UNC13C: variants seen among roughly 807,000 people sequenced by gnomAD.
UNC13C encodes the protein unc-13 homolog C.
A neutral mutation model predicts 245.4 loss-of-function variants in UNC13C; 174 were observed. That is an observed-to-expected ratio of 0.71 (90% CI 0.63 to 0.80). The LOEUF (loss-of-function observed/expected upper bound fraction) is 0.80, where lower values mean the gene tolerates loss of function less well. Among genes scored for constraint, UNC13C ranks in the 30% least tolerant of loss-of-function variants. The pLI is 0.00. For missense variants in UNC13C, 2,829 were observed against 2,602.9 expected, an observed-to-expected ratio of 1.09 and a Z score of -1.89; for synonymous variants, 992 against 895.1, an observed-to-expected ratio of 1.11 and a Z score of -1.93.
chr15:54,101,360 C>A (rs141838145), intron 2 of UNC13C, among the ~76,000 whole-genome samples: 1 of 152,252 alleles, frequency 6.6e-6, no homozygotes. Flanking sequence ...AGTTATTTTA[C>A]AATAGAGATG....
the UNC13C span, chr15:53,947,958 C>G: frequency 3.3e-4 from 51 of 152,314 alleles, no homozygotes; most frequent in East Asian, 8.7e-3. Context: ...CCAATACCTT[C>G]TGAATTAAAA....
chr15:53,868,074 A>C, the UNC13C span, among the ~76,000 whole-genome samples: 1 of 152,236 alleles, frequency 6.6e-6, no homozygotes, highest in African/African-American at 2.4e-5. Context: ...GGCTCAAGCG[A>C]TCTTTCTGCC....
Position 54,294,142 on chromosome 15 carries a change from A to G in UNC13C, c.3988+78A>G, listed in dbSNP as rs151329499. 120 of 1,237,690 alleles carry G rather than the reference A, an allele frequency of 9.7e-5. 4 individuals are homozygous for G. In the East Asian group the frequency reaches 2.7e-3, roughly 28 times the overall value. The allele number at this position is 1,237,690 out of a possible 1,614,324, so 76.7% of individuals were successfully genotyped here. A position where few individuals can be genotyped will look rare whatever the true frequency, so the allele number is the denominator to read the frequency against. On this transcript the variant is annotated intron_variant, in intron 11 of 32. Transcript: ENST00000260323. Reference sequence around the variant, plus strand: ...CCTGTGGCATGTATTACATTCCCATATAAGTAAAAATAACCAATGCCTTTC... The same window carrying G: ...CCTGTGGCATGTATTACATTCCCATGTAAGTAAAAATAACCAATGCCTTTC...
At chr15:54,173,435 C>T (rs993568194) in intron 4 of UNC13C, among the ~76,000 whole-genome samples, 1 of 152,004 alleles carries the variant, frequency 6.6e-6, no homozygotes, top group Non-Finnish European at 1.5e-5. Context: ...ACAGTTACTG[C>T]ACGTTTATTA....
chr15:53,924,213 AC>A, the UNC13C span, among the ~76,000 whole-genome samples: 7 of 150,382 alleles, frequency 4.7e-5, no homozygotes, highest in African/African-American at 9.7e-5. Context: ...TCTCAAAAAA[AC>A]AAAACAAACA....
chr15:54,105,167 T>C (rs1900374199), intron 2 of UNC13C, among the ~76,000 whole-genome samples: 1 of 152,164 alleles, frequency 6.6e-6, no homozygotes, highest in Non-Finnish European at 1.5e-5. Context: ...CAGTCTCACT[T>C]TTTGCCTAGA....
At chr15:54,233,423 C>T (rs891129375) in intron 4 of UNC13C, among the ~76,000 whole-genome samples, 2 of 152,192 alleles carry the variant, frequency 1.3e-5, no homozygotes, top group African/African-American at 2.4e-5. Flanking sequence ...ATTTGCTCAT[C>T]CTTGACATCT....
chr15:54,199,257 G>A (rs369949096), intron 4 of UNC13C, among the ~76,000 whole-genome samples: 1 of 152,080 alleles, frequency 6.6e-6, no homozygotes, highest in South Asian at 2.1e-4. Context: ...CTACAAGTTT[G>A]GAAAACATTT....
intron 2 of UNC13C, among the ~76,000 whole-genome samples, chr15:54,071,191 T>C (rs1443664443): frequency 6.6e-6 from 1 of 152,150 alleles, no homozygotes; most frequent in East Asian, 1.9e-4. Flanking sequence ...ATTTCCTTTT[T>C]TTAAAAAAAA....
chr15:54,482,396 C>T (rs1314225885), intron 19 of UNC13C, among the ~76,000 whole-genome samples: 2 of 152,162 alleles, frequency 1.3e-5, no homozygotes, highest in African/African-American at 4.8e-5. Context: ...GAACTCGCAG[C>T]AGCTCCTATT....
chr15:53,923,647 G>C, the UNC13C span, among the ~76,000 whole-genome samples: 31 of 152,194 alleles, frequency 2.0e-4, no homozygotes, highest in African/African-American at 7.5e-4. Flanking sequence ...ATTTAGAGCT[G>C]CAGAGAGTAG....
rs376095102 is a variant in UNC13C at position 54,124,865 on chromosome 15, A to G, written c.2984-18153A>G. Among the ~76,000 whole-genome samples the G allele has an allele frequency of 2.0e-5, 3 of 152,244 alleles. No individual in the cohort carries two copies. In the East Asian group the frequency reaches 5.8e-4, roughly 29 times the overall value. On this transcript the variant is annotated intron_variant, in intron 2 of 32. Transcript: ENST00000260323. ...TTTTATTTTTGCCTATGAATATCCA[A>G]TTGCTCAAGCACTAGTTGTTGAAAA...
chr15:54,192,778 A>G (rs1368842160), intron 4 of UNC13C, among the ~76,000 whole-genome samples: 1 of 152,018 alleles, frequency 6.6e-6, no homozygotes, highest in Non-Finnish European at 1.5e-5. Flanking sequence ...TCAGTCTTCA[A>G]TGTATTTGCC....
chr15:54,364,004 T>G (rs2140870940), intron 17 of UNC13C, among the ~76,000 whole-genome samples: 1 of 152,342 alleles, frequency 6.6e-6, no homozygotes, highest in Middle Eastern at 3.4e-3. Context: ...GTTTTCTTTT[T>G]AATTTGGGGC....
intron 4 of UNC13C, among the ~76,000 whole-genome samples, chr15:54,212,261 G>A (rs1023053734): frequency 6.6e-6 from 1 of 152,104 alleles, no homozygotes. Context: ...TGGGAGAGGT[G>A]TTATGGACAA....
chr15:53,908,978 G>A, the UNC13C span, among the ~76,000 whole-genome samples: 2 of 145,984 alleles, frequency 1.4e-5, 1 homozygote, highest in South Asian at 4.6e-4. Context: ...AAACACATTT[G>A]TATATGTGGT....
At chr15:54,555,083 A>T (rs1723385560) in intron 28 of UNC13C, among the ~76,000 whole-genome samples, 1 of 151,988 alleles carries the variant, frequency 6.6e-6, no homozygotes, top group Non-Finnish European at 1.5e-5. Context: ...CCTTTTCATG[A>T]TTGATAGTCC....
At chr15:54,149,037 G>C (rs1019484561) in intron 4 of UNC13C, among the ~76,000 whole-genome samples, 1 of 152,116 alleles carries the variant, frequency 6.6e-6, no homozygotes, top group African/African-American at 2.4e-5. Flanking sequence ...GTTTCCCCCA[G>C]GCTGTTCTCC....
intron 17 of UNC13C, among the ~76,000 whole-genome samples, chr15:54,390,687 A>G (rs1190813473): frequency 6.6e-6 from 1 of 152,120 alleles, no homozygotes; most frequent in Non-Finnish European, 1.5e-5. Flanking sequence ...TATACTTATT[A>G]TAAGCTTTTC....
Sources: allele counts gnomAD v4.1 joint callset (sites outside exome capture counted in the v4.1 genomes callset), GRCh38; gene constraint gnomAD v4.1.1; transcripts MANE v1.5; gene names NCBI Gene and HGNC (gene_info 2026-07-23, HGNC 2026-07-21).